ZNF782: variants seen among roughly 807,000 people sequenced by gnomAD.
ZNF782 encodes the protein zinc finger protein 782.
Under a neutral mutation model 13.0 loss-of-function variants are expected in ZNF782, and 12 were observed. That is an observed-to-expected ratio of 0.92 (90% CI 0.59 to 1.50). The LOEUF (loss-of-function observed/expected upper bound fraction) is 1.50, where lower values mean the gene tolerates loss of function less well. ZNF782 is among the 40% of genes most tolerant of loss of function. ZNF782 has a pLI of 0.00. For missense variants in ZNF782, 770 were observed against 822.9 expected, an observed-to-expected ratio of 0.94 and a Z score of 0.79; for synonymous variants, 284 against 283.0, an observed-to-expected ratio of 1.00 and a Z score of -0.04.
At chr9:96,917,758 T>G in the ZNF782 span, among the ~76,000 whole-genome samples, 1 of 151,536 alleles carries the variant, frequency 6.6e-6, no homozygotes, top group Admixed American at 6.6e-5. Flanking sequence ...AGGGTCTCAC[T>G]CTTTGCCCAG....
the ZNF782 span, among the ~76,000 whole-genome samples, chr9:96,900,709 C>A: frequency 6.6e-6 from 1 of 152,270 alleles, no homozygotes; most frequent in Non-Finnish European, 1.5e-5. Context: ...CCATTGCACT[C>A]CAGTCTGGGC....
In ZNF782 at chr9:96,850,433, G is replaced by A. The variant is rs959947995; in HGVS notation, c.15+1514C>T. 2.0e-5 allele frequency among the ~76,000 whole-genome samples: 3 copies of A among 152,146 alleles called. No individual in the cohort carries two copies. The highest frequency in any genetic ancestry group is 4.4e-5 in the Non-Finnish European group (3 of 68,018). On this transcript the variant is annotated intron_variant, in intron 3 of 5. Coordinates refer to ENST00000481138, the MANE Select transcript of ZNF782 (RefSeq NM_001001662.3). The surrounding 1 kb of genome is among the most constrained non-coding windows in gnomAD (Gnocchi z 4.3). Reference sequence around the variant, plus strand: ...AACCGTACGTTCTCACTTATAAGTGGGAGCTAAGTTATGAGTATGCAAAGG... The same window carrying A: ...AACCGTACGTTCTCACTTATAAGTGAGAGCTAAGTTATGAGTATGCAAAGG...
At chr9:96,823,225 G>T (rs899197796) in intron 5 of ZNF782, among the ~76,000 whole-genome samples, 6 of 152,172 alleles carry the variant, frequency 3.9e-5, no homozygotes, top group Non-Finnish European at 8.8e-5. Flanking sequence ...CTGTGTTCTA[G>T]AAAAATATTT....
At chr9:96,828,272 G>A (rs1263845215) in intron 4 of ZNF782, among the ~76,000 whole-genome samples, 1 of 152,210 alleles carries the variant, frequency 6.6e-6, no homozygotes, top group Non-Finnish European at 1.5e-5. Flanking sequence ...TGCTTTAGTA[G>A]AGGGGCCAAA....
chr9:96,820,665 T>G (rs1477596065), intron 5 of ZNF782, among the ~76,000 whole-genome samples: 2 of 152,152 alleles, frequency 1.3e-5, no homozygotes, highest in East Asian at 3.9e-4. Flanking sequence ...TTCTCCTGTC[T>G]CAGCCTCCCG....
chr9:96,853,466 C>T (rs1851561915), intron 1 of ZNF782, among the ~76,000 whole-genome samples: 1 of 152,196 alleles, frequency 6.6e-6, no homozygotes, highest in Non-Finnish European at 1.5e-5. Flanking sequence ...AAGGGCTGCT[C>T]TGTTCAAGGA....
At chr9:96,831,327 G>C in intron 4 of ZNF782, among the ~76,000 whole-genome samples, 1 of 152,162 alleles carries the variant, frequency 6.6e-6, no homozygotes. Context: ...TACACTTGTT[G>C]TGCCAATGTC....
At chr9:96,916,100 C>T in the ZNF782 span, among the ~76,000 whole-genome samples, 1 of 152,102 alleles carries the variant, frequency 6.6e-6, no homozygotes, top group East Asian at 1.9e-4. Context: ...ATCATACTTG[C>T]ACTTAAAGCT....
At chr9:96,863,351 A>T (rs114952944) in intron 1 of ZNF782, among the ~76,000 whole-genome samples, 2,493 of 114,958 alleles carry the variant, frequency 0.022, 46 homozygotes, top group African/African-American at 0.1. Context: ...ATTTAAAAAT[A>T]AAAAAAAAAA....
upstream of ZNF782, among the ~76,000 whole-genome samples, chr9:96,879,692 C>A (rs767568333): frequency 8.5e-5 from 13 of 152,192 alleles, no homozygotes; most frequent in Non-Finnish European, 1.2e-4. Context: ...CCAACAAGAG[C>A]TATGGCCTTA....
the ZNF782 span, among the ~76,000 whole-genome samples, chr9:96,925,345 CGA>C: frequency 9.9e-5 from 15 of 151,818 alleles, no homozygotes; most frequent in East Asian, 2.0e-4. Context: ...CTCCTAGAAA[CGA>C]GAGAGTCTGA....
the ZNF782 span, among the ~76,000 whole-genome samples, chr9:96,881,149 TCTC>T: frequency 6.6e-6 from 1 of 152,114 alleles, no homozygotes; most frequent in Non-Finnish European, 1.5e-5. Flanking sequence ...ATTTACATCT[TCTC>T]TTCATCTTTG....
At chr9:96,921,768 A>G in the ZNF782 span, among the ~76,000 whole-genome samples, 2 of 148,936 alleles carry the variant, frequency 1.3e-5, 1 homozygote, top group Non-Finnish European at 3.0e-5. Flanking sequence ...ATCTTGGCTC[A>G]CTGCAACCTC....
chr9:96,847,334 C>T (rs184837398), intron 3 of ZNF782, among the ~76,000 whole-genome samples: 17 of 151,992 alleles, frequency 1.1e-4, no homozygotes, highest in African/African-American at 2.9e-4. Flanking sequence ...CAAAGTAGAA[C>T]TAAATGAAAT....
chr9:96,826,575 T>C (rs1245950160), intron 5 of ZNF782, among the ~76,000 whole-genome samples: 1 of 151,926 alleles, frequency 6.6e-6, no homozygotes, highest in Non-Finnish European at 1.5e-5. Flanking sequence ...AGTAAATAAA[T>C]AAATAAATAA....
At chr9:96,833,819 A>G (rs1455381355) in intron 4 of ZNF782, among the ~76,000 whole-genome samples, 1 of 152,122 alleles carries the variant, frequency 6.6e-6, no homozygotes, top group Non-Finnish European at 1.5e-5. Context: ...TCTCTTATTT[A>G]TTCAATTATT....
chr9:96,852,406 A>G (rs1318636051), intron 2 of ZNF782, among the ~76,000 whole-genome samples: 2 of 152,218 alleles, frequency 1.3e-5, no homozygotes, highest in African/African-American at 4.8e-5. Flanking sequence ...TCGGGAGGCC[A>G]AAGAGGGAGG....
chr9:96,894,323 C>T, the ZNF782 span: 4 of 151,982 alleles, frequency 2.6e-5, no homozygotes, highest in East Asian at 7.7e-4. Context: ...GCACATGTAC[C>T]CTAGAACTTA....
At chr9:96,852,215 T>G (rs906396885) in intron 2 of ZNF782, among the ~76,000 whole-genome samples, 1 of 152,260 alleles carries the variant, frequency 6.6e-6, no homozygotes, top group African/African-American at 2.4e-5. Flanking sequence ...TGCTGTTTTT[T>G]ATTGAGTGAA....
Sources: allele counts gnomAD v4.1 joint callset (sites outside exome capture counted in the v4.1 genomes callset), GRCh38; gene constraint gnomAD v4.1.1; non-coding constraint Gnocchi (gnomAD v3.1); transcripts MANE v1.5; gene names NCBI Gene and HGNC (gene_info 2026-07-23, HGNC 2026-07-21).